The following CDC23 variants were observed in gnomAD, a reference collection of about 807,000 sequenced individuals.
CDC23 encodes cell division cycle 23.
Under a neutral mutation model 81.7 loss-of-function variants are expected in CDC23, and 26 were observed. The observed-to-expected ratio is 0.32, with a 90% CI of 0.23 to 0.44. The LOEUF (loss-of-function observed/expected upper bound fraction) is 0.44. Among genes scored for constraint, CDC23 ranks in the 20% least tolerant of loss-of-function variants. The probability of loss-of-function intolerance (pLI) is 1.00; values close to 1 mark genes in which losing one functional copy is unlikely to be tolerated. For synonymous variants in CDC23, 267 were observed against 270.8 expected, an observed-to-expected ratio of 0.99 and a Z score of 0.14; for missense variants, 519 against 728.0, an observed-to-expected ratio of 0.71 and a Z score of 3.30.
chr5:138,200,773 T>A (rs1423773362), intron 6 of CDC23, among the ~76,000 whole-genome samples: 1 of 152,040 alleles, frequency 6.6e-6, no homozygotes, highest in Non-Finnish European at 1.5e-5. Flanking sequence ...TGAGCCAAGA[T>A]CGCACCACTG....
At chr5:138,195,604 A>C in intron 9 of CDC23, among the ~76,000 whole-genome samples, 1 of 112,910 alleles carries the variant, frequency 8.9e-6, no homozygotes, top group Non-Finnish European at 1.7e-5. Context: ...TATATTATAT[A>C]TGATATATTT....
intron 3 of CDC23, among the ~76,000 whole-genome samples, chr5:138,204,768 C>A (rs565596868): frequency 2.6e-5 from 4 of 151,816 alleles, no homozygotes; most frequent in Admixed American, 2.6e-4. Flanking sequence ...TACAGGCGCT[C>A]GCCACTGCGC....
chr5:138,197,546 G>A (rs1329509562), intron 9 of CDC23, among the ~76,000 whole-genome samples: 1 of 148,824 alleles, frequency 6.7e-6, no homozygotes, highest in East Asian at 2.0e-4. Flanking sequence ...GCCCAGGCTG[G>A]AGTGTAGTGG....
At position 138,189,113 on chromosome 5, in the gene CDC23, G is replaced by A; in HGVS notation, c.1659C>T (p.Ile553=). The change falls in exon 16 of 16, where the codon ATC becomes ATT. Residue 553 remains isoleucine (I), a synonymous_variant. Coordinates refer to ENST00000394886, the MANE Select transcript of CDC23 (RefSeq NM_004661.4). ...TCTCGCCTTGGTTCCGAAGCTGTAGGATTTGCCGGAGTAAGGCCTTACCTT... is the reference window on the plus strand; with the variant it reads ...TCTCGCCTTGGTTCCGAAGCTGTAGAATTTGCCGGAGTAAGGCCTTACCTT... ...REEGKALLRQ[I]LQLRNQGETP... 1 of 1,614,110 alleles carries A rather than the reference G, an allele frequency of 6.2e-7. No individual in the cohort carries two copies. The highest frequency in any genetic ancestry group is 8.5e-7 in the Non-Finnish European group (1 of 1,179,980).
chr5:138,191,476 T>A lies in CDC23; in HGVS notation c.1422A>T (p.Ala474=), dbSNP rs748629037. Residue 474 remains alanine, a splice_region_variant and synonymous_variant, in exon 13 of 16, where the codon GCA becomes GCT. Transcript: ENST00000394886. ...AGCATTTCACTCCTTTCACTCACTT[T>A]GCCAGTTTCACCAGAGCCATTTTCT... ...DVEKMALVKL[A]KLHEQLTESE... The A allele has an allele frequency of 4.3e-5, 69 of 1,613,846 alleles. No individual in the cohort carries two copies. Among genetic ancestry groups the A allele is most frequent in the Non-Finnish European group, 5.7e-5 (67 of 1,179,792 alleles).
chr5:138,198,559 G>C, intron 7 of CDC23, 36 bp from the exon 8 acceptor site: 1 of 1,611,610 alleles, frequency 6.2e-7, no homozygotes, highest in Non-Finnish European at 8.5e-7. Flanking sequence ...ACAGCACAAT[G>C]CACCTGTCAG....
At chr5:138,196,478 A>G (rs1754908159) in intron 9 of CDC23, among the ~76,000 whole-genome samples, 1 of 150,128 alleles carries the variant, frequency 6.7e-6, no homozygotes, top group Admixed American at 6.6e-5. Context: ...TTTAGTAGAA[A>G]CAGGGTTTCC....
chr5:138,196,229 C>T (rs1196847677), intron 9 of CDC23, among the ~76,000 whole-genome samples: 2 of 151,762 alleles, frequency 1.3e-5, no homozygotes, highest in African/African-American at 4.8e-5. Context: ...AAGGAGTTCA[C>T]CTCGAATGAT....
chr5:138,198,062 C>A (rs1011183766), intron 9 of CDC23, 137 bp downstream of exon 9: 1 of 641,972 alleles, frequency 1.6e-6, no homozygotes. Context: ...GGCTCTCAAG[C>A]GATCCTCCCG....
chr5:138,213,043 G>C lies in CDC23; in HGVS notation c.182C>G (p.Ser61Cys), dbSNP rs1755133435. ...CTCGGCCAGAGGCAATGCAGGGAGA[G>C]AGAAAGCCAACTCCGCCGACCTGGA... Reference protein sequence around the residue: ...SSKWSAELAFSLPALPLAELQ... With the variant: ...SSKWSAELAFCLPALPLAELQ... Residue 61 changes from serine (S) to cysteine (C), a missense_variant, in exon 2 of 16, where the codon TCT becomes TGT. Transcript: ENST00000394886. 6.2e-7 allele frequency: 1 copy of C among 1,613,850 alleles called. No homozygotes were observed. Among genetic ancestry groups the C allele is most frequent in the Admixed American group, 1.7e-5 (1 of 59,972 alleles).
chr5:138,199,048 G>A (rs1754953754), intron 6 of CDC23, among the ~76,000 whole-genome samples: 1 of 152,174 alleles, frequency 6.6e-6, no homozygotes, highest in African/African-American at 2.4e-5. Context: ...CAAAAGGGGA[G>A]AGGAAGAGAA....
rs1454085557 is a variant in CDC23 at position 138,202,143 on chromosome 5, T to G, written c.385A>C (p.Lys129Gln). ...MYSRYLSGEK[K>Q]KDDETVDSLG... ...CTATCAACTGTTTCATCGTCCTTCT[T>G]TTTTTCTCCAGACTGTAAGAGAAAA... Residue 129 changes from lysine (K) to glutamine (Q), a missense_variant, in exon 4 of 16, where the codon AAG becomes CAG. This residue lies in a region of CDC23 where 180 missense variants were observed against 239.3 expected (regional missense o/e 0.75). Transcript: ENST00000394886. 6.2e-7 allele frequency: 1 copy of G among 1,611,360 alleles called. No individual in the cohort carries two copies. The highest frequency in any genetic ancestry group is 8.5e-7 in the Non-Finnish European group (1 of 1,178,552).
Position 138,213,275 on chromosome 5 carries a change from G to T in CDC23, c.38C>A (p.Thr13Lys), listed in dbSNP as rs757387883. 1 of 1,614,028 alleles carries T rather than the reference G, an allele frequency of 6.2e-7. No homozygotes were observed. The highest frequency in any genetic ancestry group is 1.1e-5 in the South Asian group (1 of 91,078). ...GGACAGGACAGGCGCCACTGCCGCCGTCACAGCCACCGGGACCATGGAGGT... is the reference window on the plus strand; with the variant it reads ...GGACAGGACAGGCGCCACTGCCGCCTTCACAGCCACCGGGACCATGGAGGT... ...ASTSMVPVAVTAAVAPVLSIN... is the reference protein window; with the variant it reads ...ASTSMVPVAVKAAVAPVLSIN... Residue 13 changes from threonine (T) to lysine (K), a missense_variant, in exon 1 of 16, where the codon ACG (threonine) becomes AAG (lysine). Thr to Lys is a moderately conservative substitution (Grantham distance 78). Coordinates refer to ENST00000394886, the MANE Select transcript of CDC23 (RefSeq NM_004661.4).
At chr5:138,206,247 A>G (rs866113329) in intron 3 of CDC23, 14 of 463,258 alleles carry the variant, frequency 3.0e-5, no homozygotes, top group African/African-American at 8.0e-5. Context: ...AAGTCAGCCC[A>G]GGCTTTTTAA....
At chr5:138,200,390 C>G (rs1466863426) in intron 6 of CDC23, among the ~76,000 whole-genome samples, 1 of 152,106 alleles carries the variant, frequency 6.6e-6, no homozygotes, top group African/African-American at 2.4e-5. Context: ...CCTTGGCTTC[C>G]CAAAGTGCTA....
In CDC23 at chr5:138,188,922, G is replaced by T; in HGVS notation, c.*56C>A. 6.5e-7 allele frequency: 1 copy of T among 1,540,452 alleles called. No homozygotes were observed. The highest frequency in any genetic ancestry group is 8.8e-7 in the Non-Finnish European group (1 of 1,129,958). Reference sequence around the variant, plus strand: ...GGAACAGACGTGCTGTTCTTTACATGGAGGTAAGGCTTAATTAAGATGGGT... The same window carrying T: ...GGAACAGACGTGCTGTTCTTTACATTGAGGTAAGGCTTAATTAAGATGGGT... On this transcript the variant is annotated 3_prime_UTR_variant, in exon 16 of 16. Transcript: ENST00000394886.
At chr5:138,195,599 T>A (rs796583528) in intron 9 of CDC23, among the ~76,000 whole-genome samples, 13 of 77,400 alleles carry the variant, frequency 1.7e-4, no homozygotes, top group Non-Finnish European at 3.6e-4. Flanking sequence ...TAATATATAT[T>A]ATATATGATA....
chr5:138,206,796 C>T (rs948539350), intron 2 of CDC23, 112 bp from the exon 3 acceptor site: 8 of 985,210 alleles, frequency 8.1e-6, no homozygotes, highest in African/African-American at 1.7e-5. Context: ...TTGTTTTCTT[C>T]CTCCTAAAAA....
chr5:138,200,987 G>A (rs1754982666), intron 6 of CDC23, 120 bp downstream of exon 6: 2 of 1,063,240 alleles, frequency 1.9e-6, no homozygotes, highest in African/African-American at 1.6e-5. Context: ...AGACACCAGA[G>A]GCGCAGCAAA....
Sources: gnomAD v4.1 joint callset for allele counts (sites outside exome capture counted in the v4.1 genomes callset) on GRCh38, gnomAD v4.1.1 for gene constraint, gnomAD v4.1.1 regional missense constraint, MANE v1.5 for transcripts, NCBI Gene and HGNC (gene_info 2026-07-23, HGNC 2026-07-21) for gene names.